CNTNAP2: variants seen among roughly 807,000 people sequenced by gnomAD.
CNTNAP2 encodes contactin associated protein 2.
A neutral mutation model predicts 155.2 loss-of-function variants in CNTNAP2; 98 were observed. That is an observed-to-expected ratio of 0.63 (90% CI 0.54 to 0.75). The LOEUF (loss-of-function observed/expected upper bound fraction) is 0.75. Ranked by LOEUF, CNTNAP2 falls within the 30% of genes least tolerant of loss-of-function variation. The pLI, the probability that CNTNAP2 is intolerant of heterozygous loss-of-function variation, is 0.00. For synonymous variants in CNTNAP2, 651 were observed against 631.2 expected, an observed-to-expected ratio of 1.03 and a Z score of -0.47; for missense variants, 1,727 against 1,688.1, an observed-to-expected ratio of 1.02 and a Z score of -0.40.
At chr7:146,805,938 C>A (rs140163371) in intron 2 of CNTNAP2, among the ~76,000 whole-genome samples, 7 of 152,186 alleles carry the variant, frequency 4.6e-5, no homozygotes, top group Non-Finnish European at 7.4e-5. Flanking sequence ...ATTAAAGCTG[C>A]ATGTTTTCAC....
intron 3 of CNTNAP2, among the ~76,000 whole-genome samples, chr7:146,885,021 T>A (rs568485578): frequency 6.6e-6 from 1 of 152,204 alleles, no homozygotes; most frequent in South Asian, 2.1e-4. Context: ...ATTTTTTAAA[T>A]GCATGTGTAT....
In CNTNAP2 at chr7:147,639,223, T is replaced by A; in HGVS notation, c.2015T>A (p.Ile672Lys). Residue 672 changes from isoleucine (I) to lysine (K), a missense_variant, in exon 13 of 24, where the codon ATA becomes AAA. By Grantham distance (102) the Ile-to-Lys change is moderately radical (BLOSUM62 -3). Transcript: ENST00000361727. ...QLVYSASMDQ[I>K]SAITDSAEYC... ...GTTTACAGCGCCTCCATGGACCAGA[T>A]AAGTGCCATCACTGACAGTGCCGAG... 1 of 1,614,116 alleles carries A rather than the reference T, an allele frequency of 6.2e-7. No homozygotes were observed. The highest frequency in any genetic ancestry group is 8.5e-7 in the Non-Finnish European group (1 of 1,179,994).
intron 15 of CNTNAP2, among the ~76,000 whole-genome samples, chr7:147,994,597 T>C (rs1048238527): frequency 6.6e-6 from 1 of 152,184 alleles, no homozygotes; most frequent in Non-Finnish European, 1.5e-5. Flanking sequence ...GTTTTAAAAA[T>C]GGGAGTTTCT....
chr7:146,492,007 T>C (rs749538597), intron 1 of CNTNAP2, among the ~76,000 whole-genome samples: 1 of 152,186 alleles, frequency 6.6e-6, no homozygotes, highest in Non-Finnish European at 1.5e-5. Context: ...TGTCTTGTTT[T>C]ATTTTCTGGA....
At chr7:147,789,757 T>G (rs975792929) in intron 13 of CNTNAP2, among the ~76,000 whole-genome samples, 8 of 152,210 alleles carry the variant, frequency 5.3e-5, no homozygotes, top group African/African-American at 1.9e-4. Flanking sequence ...CTGAGTCTTC[T>G]GGTCTTCATC....
At chr7:146,901,027 GTAGTAA>G (rs1008600342) in intron 3 of CNTNAP2, among the ~76,000 whole-genome samples, 18 of 130,132 alleles carry the variant, frequency 1.4e-4, no homozygotes, top group Admixed American at 3.6e-4. Context: ...TCTGATTAAA[GTAGTAA>G]TAATAATAAT....
intron 1 of CNTNAP2, among the ~76,000 whole-genome samples, chr7:146,534,521 A>G (rs193298739): frequency 2.6e-5 from 4 of 152,252 alleles, no homozygotes; most frequent in African/African-American, 9.6e-5. Flanking sequence ...TCTGACCCAC[A>G]TAAAAAGACC....
At chr7:147,667,201 C>A (rs1795709581) in intron 13 of CNTNAP2, among the ~76,000 whole-genome samples, 1 of 152,102 alleles carries the variant, frequency 6.6e-6, no homozygotes, top group African/African-American at 2.4e-5. Flanking sequence ...GTGAAGACAG[C>A]TGAAGAATTT....
intron 12 of CNTNAP2, among the ~76,000 whole-genome samples, chr7:147,568,014 G>A (rs910403516): frequency 1.3e-5 from 2 of 152,060 alleles, no homozygotes; most frequent in African/African-American, 2.4e-5. Flanking sequence ...TGAACCCGGG[G>A]GGCAGAGGTT....
intron 3 of CNTNAP2, among the ~76,000 whole-genome samples, chr7:146,950,672 T>C (rs891318373): frequency 6.6e-5 from 10 of 151,994 alleles, no homozygotes; most frequent in Non-Finnish European, 5.9e-5. Context: ...ATGTGCCACA[T>C]TTTTTTTAGC....
intron 1 of CNTNAP2, among the ~76,000 whole-genome samples, chr7:146,665,735 T>A (rs7781215): frequency 6.9e-6 from 1 of 144,304 alleles, no homozygotes; most frequent in African/African-American, 2.6e-5. Flanking sequence ...GAGCCGAGAC[T>A]GTGCCATTGC....
chr7:146,591,033 A>G (rs1798774824), intron 1 of CNTNAP2, among the ~76,000 whole-genome samples: 1 of 152,192 alleles, frequency 6.6e-6, no homozygotes, highest in Admixed American at 6.6e-5. Context: ...AGAGAAAACA[A>G]CCACAGAGAA....
intron 1 of CNTNAP2, among the ~76,000 whole-genome samples, chr7:146,398,102 G>T (rs1200008175): frequency 6.6e-6 from 1 of 151,038 alleles, no homozygotes; most frequent in Non-Finnish European, 1.5e-5. Flanking sequence ...GAACTCCTGG[G>T]CTCAAGTGAT....
chr7:147,642,122 G>T (rs979784968), intron 13 of CNTNAP2, among the ~76,000 whole-genome samples: 7 of 151,984 alleles, frequency 4.6e-5, no homozygotes, highest in Admixed American at 3.9e-4. Context: ...AACCTCATCA[G>T]CTTGTCTTCA....
At chr7:147,296,983 T>G (rs1197316378) in intron 8 of CNTNAP2, among the ~76,000 whole-genome samples, 1 of 152,196 alleles carries the variant, frequency 6.6e-6, no homozygotes. Context: ...AGAGATATAC[T>G]TCATTTAATA....
At chr7:146,996,936 T>G (rs1286854733) in intron 3 of CNTNAP2, among the ~76,000 whole-genome samples, 1 of 152,124 alleles carries the variant, frequency 6.6e-6, no homozygotes, top group Non-Finnish European at 1.5e-5. Context: ...CTGACAGTTT[T>G]ATAAGGGGAG....
chr7:146,460,793 G>T (rs1034476329), intron 1 of CNTNAP2, among the ~76,000 whole-genome samples: 1 of 152,130 alleles, frequency 6.6e-6, no homozygotes, highest in African/African-American at 2.4e-5. Context: ...GTAAAATGTA[G>T]AATTGTGGAT....
chr7:146,392,082 G>C (rs1276414322), intron 1 of CNTNAP2, among the ~76,000 whole-genome samples: 1 of 152,096 alleles, frequency 6.6e-6, no homozygotes, highest in Non-Finnish European at 1.5e-5. Context: ...CATGATAATG[G>C]TTAAATGCTT....
chr7:148,062,630 A>T (rs1563185987), intron 15 of CNTNAP2, among the ~76,000 whole-genome samples: 1 of 152,290 alleles, frequency 6.6e-6, no homozygotes, highest in East Asian at 1.9e-4. Context: ...AGGGGAAGGT[A>T]TCTTAAAAAT....
Sources: gnomAD v4.1 joint callset for allele counts (sites outside exome capture counted in the v4.1 genomes callset) on GRCh38, gnomAD v4.1.1 for gene constraint, MANE v1.5 for transcripts, NCBI Gene and HGNC (gene_info 2026-07-23, HGNC 2026-07-21) for gene names.